Variants in WSCD2 observed in about 807,000 individuals in gnomAD.
WSCD2 encodes the protein sialate:O-sulfotransferase 2.
Under a neutral mutation model 55.7 loss-of-function variants are expected in WSCD2, and 28 were observed. That is an observed-to-expected ratio of 0.50 (90% CI 0.37 to 0.69). The LOEUF is 0.69. Ranked by LOEUF, WSCD2 falls within the 30% of genes least tolerant of loss-of-function variation. WSCD2 has a pLI of 0.00. For missense variants in WSCD2, 616 were observed against 762.1 expected, an observed-to-expected ratio of 0.81 and a Z score of 2.26; for synonymous variants, 301 against 301.9, an observed-to-expected ratio of 1.00 and a Z score of 0.03.
intron 6 of WSCD2, among the ~76,000 whole-genome samples, chr12:108,229,477 A>C (rs933075962): frequency 1.4e-4 from 21 of 152,220 alleles, no homozygotes; most frequent in African/African-American, 4.8e-4. Flanking sequence ...TGTCAACCCT[A>C]GCTTCTCAAA....
At chr12:108,161,349 G>A (rs745716584) in intron 1 of WSCD2, among the ~76,000 whole-genome samples, 1 of 152,182 alleles carries the variant, frequency 6.6e-6, no homozygotes, top group Non-Finnish European at 1.5e-5. Context: ...AGTTAAATTA[G>A]GATGAAGTCA....
chr12:108,245,889 C>T (rs1407675574), intron 8 of WSCD2, among the ~76,000 whole-genome samples: 1 of 152,194 alleles, frequency 6.6e-6, no homozygotes, highest in East Asian at 1.9e-4. Context: ...TAAATATCTC[C>T]CAAACAGCTG....
At chr12:108,192,874 C>G (rs1883362459) in intron 1 of WSCD2, among the ~76,000 whole-genome samples, 1 of 152,154 alleles carries the variant, frequency 6.6e-6, no homozygotes, top group Non-Finnish European at 1.5e-5. Context: ...CTTCTCAACC[C>G]AGGGTCCAAA....
intron 7 of WSCD2, among the ~76,000 whole-genome samples, chr12:108,235,641 TAAAAGAAAA>T (rs1241812220): frequency 1.3e-5 from 2 of 152,060 alleles, no homozygotes; most frequent in Admixed American, 1.3e-4. Context: ...TAACTTGATT[TAAAAGAAAA>T]AAAAGAAAAC....
intron 1 of WSCD2, among the ~76,000 whole-genome samples, chr12:108,177,330 G>A (rs534633052): frequency 2.4e-4 from 36 of 152,298 alleles, no homozygotes; most frequent in Admixed American, 2.3e-3. Flanking sequence ...GCCTGGCCCA[G>A]AGTGAGAGCC....
intron 8 of WSCD2, chr12:108,244,438 G>A (rs1231502869): frequency 1.4e-6 from 1 of 695,442 alleles, no homozygotes. Flanking sequence ...AGCATGTGGA[G>A]AGTCAGGAGA....
intron 4 of WSCD2, among the ~76,000 whole-genome samples, chr12:108,214,543 A>G (rs1886607930): frequency 6.6e-6 from 1 of 152,144 alleles, no homozygotes; most frequent in Admixed American, 6.5e-5. Flanking sequence ...CTCTCCTCCC[A>G]GGGATAGAGA....
In WSCD2 at chr12:108,248,793, C is replaced by T. The variant is rs527255392; in HGVS notation, c.*450C>T. ...TCCCTTCTGGGCTGAGATTTCGCAGCCCCCTTCTCATCTCCACCCAAGAAG... is the reference window on the plus strand; with the variant it reads ...TCCCTTCTGGGCTGAGATTTCGCAGTCCCCTTCTCATCTCCACCCAAGAAG... On this transcript the variant is annotated 3_prime_UTR_variant, in exon 9 of 9. Transcript: ENST00000547525. The surrounding 1 kb of genome is among the most constrained non-coding windows in gnomAD (Gnocchi z 4.3). The T allele has an allele frequency of 3.0e-6, 3 of 991,864 alleles. No individual in the cohort carries two copies. The highest frequency in any genetic ancestry group is 1.1e-4 in the East Asian group (1 of 9,082). The allele number at this position is 991,864 out of a possible 1,614,324, so 61.4% of individuals were successfully genotyped here.
intron 1 of WSCD2, among the ~76,000 whole-genome samples, chr12:108,136,517 G>A (rs1876235603): frequency 6.6e-6 from 1 of 152,198 alleles, no homozygotes; most frequent in Non-Finnish European, 1.5e-5. Flanking sequence ...ACCGTAGCTT[G>A]TGTATGCAGG....
At chr12:108,235,354 C>T (rs1427010786) in intron 7 of WSCD2, among the ~76,000 whole-genome samples, 1 of 152,124 alleles carries the variant, frequency 6.6e-6, no homozygotes, top group Non-Finnish European at 1.5e-5. Context: ...ATTAGCATTG[C>T]CCAGGGAGCT....
chr12:108,163,675 T>C (rs1879304208), intron 1 of WSCD2, among the ~76,000 whole-genome samples: 1 of 151,902 alleles, frequency 6.6e-6, no homozygotes, highest in South Asian at 2.1e-4. Flanking sequence ...ATAGAAGACG[T>C]TGGAGTGATG....
intron 1 of WSCD2, among the ~76,000 whole-genome samples, chr12:108,176,932 G>C (rs1223307163): frequency 6.6e-6 from 1 of 152,178 alleles, no homozygotes; most frequent in Non-Finnish European, 1.5e-5. Context: ...GAAAAAATCA[G>C]GTGTGTGGTG....
chr12:108,142,516 T>C (rs1255175942), intron 1 of WSCD2, among the ~76,000 whole-genome samples: 1 of 152,208 alleles, frequency 6.6e-6, no homozygotes, highest in Admixed American at 6.5e-5. Context: ...TTGTGTGGCC[T>C]TGGATAATTT....
rs115930098 is a variant in WSCD2, at chr12:108,140,285, C to T, written c.-552+10359C>T. The stretch of plus-strand genomic sequence containing the variant: ...GTGAAGATTCAATGACCTAAAATGG[C>T]GCCTAGCATATGGTACAGGTTACAT... On this transcript the variant is annotated intron_variant, in intron 1 of 8. Transcript: ENST00000547525. Among the ~76,000 whole-genome samples, 948 of 152,208 alleles carry T rather than the reference C, an allele frequency of 6.2e-3. 16 individuals carry two copies. The highest frequency in any genetic ancestry group is 0.022 in the African/African-American group (900 of 41,528).
intron 7 of WSCD2, among the ~76,000 whole-genome samples, chr12:108,236,721 T>C (rs1026064486): frequency 6.6e-6 from 1 of 152,114 alleles, no homozygotes; most frequent in African/African-American, 2.4e-5. Context: ...CTTCTCTGTT[T>C]CTGTCTCATT....
chr12:108,173,627 G>T (rs1385434284), intron 1 of WSCD2, among the ~76,000 whole-genome samples: 4 of 152,266 alleles, frequency 2.6e-5, no homozygotes, highest in African/African-American at 9.6e-5. Context: ...GGGGTAAGGG[G>T]ATGCTGAATG....
chr12:108,166,761 T>TTTCCTTCTTTCTTTCTTTCTTTCTTTC (rs10680980), intron 1 of WSCD2, among the ~76,000 whole-genome samples: 1 of 124,820 alleles, frequency 8.0e-6, no homozygotes, highest in Non-Finnish European at 1.7e-5. Flanking sequence ...TCTTTCTTTC[T>TTTCCTTCTTTCTTTCTTTCTTTCTTTC]TTTCTTTCTT....
chr12:108,212,430 T>C (rs533430527), intron 4 of WSCD2, among the ~76,000 whole-genome samples: 84 of 152,130 alleles, frequency 5.5e-4, no homozygotes, highest in African/African-American at 1.9e-3. Context: ...TAGCCAGACC[T>C]CCTTTTGGTT....
Position 108,179,555 on chromosome 12 carries a change from G to A in WSCD2, c.-551-15727G>A, listed in dbSNP as rs545850005. Among the ~76,000 whole-genome samples, 111 of 152,322 alleles carry A rather than the reference G, an allele frequency of 7.3e-4. 1 individual carries two copies. The highest frequency in any genetic ancestry group is 2.3e-3 in the Admixed American group (35 of 15,304). ...GTGTGAGGCCTCCCTTCTCTCTGGTGGGATTGGCAATTGTACATGAGATTC... is the reference window on the plus strand; with the variant it reads ...GTGTGAGGCCTCCCTTCTCTCTGGTAGGATTGGCAATTGTACATGAGATTC... On this transcript the variant is annotated intron_variant, in intron 1 of 8. Transcript: ENST00000547525.
Sources: allele counts gnomAD v4.1 joint callset (sites outside exome capture counted in the v4.1 genomes callset), GRCh38; gene constraint gnomAD v4.1.1; non-coding constraint Gnocchi (gnomAD v3.1); transcripts MANE v1.5; gene names NCBI Gene and HGNC (gene_info 2026-07-23, HGNC 2026-07-21).